Variants in SCN1A observed in about 807,000 individuals in gnomAD.
SCN1A encodes sodium channel protein type 1 subunit alpha.
In SCN1A, 13 loss-of-function variants were observed where a neutral mutation model predicts 193.7. That is an observed-to-expected ratio of 0.07 (90% CI 0.04 to 0.11). The LOEUF is 0.11. SCN1A is among the 10% of genes least tolerant of loss of function. The pLI is 1.00. For synonymous variants in SCN1A, 781 were observed against 843.6 expected (o/e 0.93, Z 1.29); for missense variants, 1,432 against 2,451.1 (o/e 0.58, Z 8.78).
chr2:166,009,691 A>G (rs1692147599), intron 23 of SCN1A, 28 bp downstream of exon 23: 4 of 1,595,430 alleles, frequency 2.5e-6, no homozygotes, highest in East Asian at 4.5e-5. Context: ...GCTATATACA[A>G]TACTTCAGGT....
At chr2:166,081,908 T>G (rs1685571676) in intron 2 of SCN1A, among the ~76,000 whole-genome samples, 3 of 152,036 alleles carry the variant, frequency 2.0e-5, no homozygotes, top group Admixed American at 2.0e-4. Context: ...GGAAAAAAAT[T>G]ACTAACCAAT....
chr2:166,110,785 C>T (rs193190949), intron 2 of SCN1A, among the ~76,000 whole-genome samples: 18 of 152,262 alleles, frequency 1.2e-4, no homozygotes, highest in Admixed American at 1.1e-3. Flanking sequence ...TCCCACATGT[C>T]ATGGGAGGAA....
chr2:166,044,389 C>T (rs1401457329), intron 13 of SCN1A, among the ~76,000 whole-genome samples: 1 of 152,142 alleles, frequency 6.6e-6, no homozygotes, highest in Non-Finnish European at 1.5e-5. Flanking sequence ...GGTAAACATT[C>T]AGTGAACACT....
intron 1 of SCN1A, among the ~76,000 whole-genome samples, chr2:166,138,722 A>G (rs1214765629): frequency 6.6e-6 from 1 of 152,168 alleles, no homozygotes; most frequent in Admixed American, 6.5e-5. Context: ...CAGATTCCCT[A>G]CTAGTGTACC....
At chr2:166,138,933 C>A (rs1326335658) in intron 1 of SCN1A, among the ~76,000 whole-genome samples, 2 of 152,108 alleles carry the variant, frequency 1.3e-5, no homozygotes, top group Non-Finnish European at 2.9e-5. Flanking sequence ...ATCAACGTGA[C>A]TTGGATGTGA....
intron 17 of SCN1A, 71 bp downstream of exon 17, chr2:166,039,352 G>T (rs1023152225): frequency 1.3e-6 from 2 of 1,486,496 alleles, no homozygotes; most frequent in South Asian, 1.2e-5. Context: ...AAAAAACTAT[G>T]ACATTGCTAT....
intron 1 of SCN1A, among the ~76,000 whole-genome samples, chr2:166,147,770 C>T (rs1403604226): frequency 6.6e-6 from 1 of 152,136 alleles, no homozygotes; most frequent in South Asian, 2.1e-4. Flanking sequence ...ATACAGCATA[C>T]AATTGTAAGT....
Position 165,994,650 on chromosome 2 carries a change from A to AAAACAAAC in SCN1A, c.4582-242_4582-235dup, listed in dbSNP as rs140431192. On this transcript the variant is annotated intron_variant, in intron 27 of 28. Transcript: ENST00000674923. ...CCTTATCCAAAGAAGGTTTCTGATAAAAACAAACAAACAAACAAACAAACA... is the reference window on the plus strand; with the variant it reads ...CCTTATCCAAAGAAGGTTTCTGATAAAAACAAACAAACAAACAAACAAACAAACAAACA... 0.015 allele frequency among the ~76,000 whole-genome samples: 2,280 copies of AAAACAAAC among 150,978 alleles called. 64 individuals are homozygous for AAAACAAAC. The highest frequency in any genetic ancestry group is 0.053 in the African/African-American group (2,165 of 41,142).
chr2:166,093,449 C>T (rs1158689116), intron 2 of SCN1A, among the ~76,000 whole-genome samples: 1 of 152,100 alleles, frequency 6.6e-6, no homozygotes, highest in African/African-American at 2.4e-5. Context: ...CGCCATTCTC[C>T]TGCCTCAACC....
chr2:166,005,014 T>G (rs977286447), intron 23 of SCN1A, among the ~76,000 whole-genome samples: 1 of 151,454 alleles, frequency 6.6e-6, no homozygotes, highest in Non-Finnish European at 1.5e-5. Context: ...CAAGTTAAGT[T>G]CAGAAAGTAG....
intron 2 of SCN1A, among the ~76,000 whole-genome samples, chr2:166,095,480 C>A (rs1044016248): frequency 1.3e-5 from 2 of 152,052 alleles, no homozygotes; most frequent in African/African-American, 4.8e-5. Flanking sequence ...GACATTTTAA[C>A]AAAGGGGGAT....
At chr2:166,069,956 C>T (rs1010625388) in intron 4 of SCN1A, among the ~76,000 whole-genome samples, 1 of 152,070 alleles carries the variant, frequency 6.6e-6, no homozygotes, top group African/African-American at 2.4e-5. Context: ...ATGAAGATCA[C>T]CCAGCCAATC....
chr2:166,065,653 C>A (rs375540611), intron 4 of SCN1A, among the ~76,000 whole-genome samples: 3 of 152,050 alleles, frequency 2.0e-5, no homozygotes, highest in Non-Finnish European at 4.4e-5. Flanking sequence ...CAGTGATAAC[C>A]AGACTAAACA....
chr2:166,013,792 C>G lies in SCN1A; in HGVS notation c.3657G>C (p.Trp1219Cys), dbSNP rs863225033. 2 of 1,611,976 alleles carry G rather than the reference C, an allele frequency of 1.2e-6. No individual in the cohort carries two copies. Among genetic ancestry groups the G allele is most frequent in the Non-Finnish European group, 1.7e-6 (2 of 1,178,608 alleles). The change falls in exon 21 of 29, where the codon TGG (tryptophan) becomes TGC (cysteine). Residue 1219 changes from tryptophan (W) to cysteine (C), a missense_variant. This residue lies in a region of SCN1A where 107 missense variants were observed against 259.4 expected (regional missense o/e 0.41). Transcript: ENST00000674923. ...TCATGAAAACAATGAAGGTCTCAAACCAGTTATGTTCAACTATTCGGAAAC... is the reference window on the plus strand; with the variant it reads ...TCATGAAAACAATGAAGGTCTCAAAGCAGTTATGTTCAACTATTCGGAAAC... Reference protein sequence around the residue: ...RTCFRIVEHNWFETFIVFMIL... With the variant: ...RTCFRIVEHNCFETFIVFMIL...
rs1241979393 is a variant in SCN1A at position 165,987,115 on chromosome 2, A to G, written c.*4130T>C. The G allele has an allele frequency of 6.6e-6, 1 of 151,986 alleles. No individual in the cohort carries two copies. The highest frequency in any genetic ancestry group is 1.5e-5 in the Non-Finnish European group (1 of 67,990). 9.4% of individuals were successfully genotyped at this position (151,986 alleles called of 1,614,324 possible). ...TTAGCCTTTCTTTGTCTTTCATGAC[A>G]TTGACATTTTTAAGGAGTTCAGTCC... On this transcript the variant is annotated 3_prime_UTR_variant, in exon 29 of 29. Transcript: ENST00000674923.
intron 2 of SCN1A, among the ~76,000 whole-genome samples, chr2:166,120,456 T>A (rs917767292): frequency 6.6e-6 from 1 of 151,562 alleles, no homozygotes; most frequent in Non-Finnish European, 1.5e-5. Flanking sequence ...TGGGCAATTT[T>A]ATATAGAATT....
intron 19 of SCN1A, among the ~76,000 whole-genome samples, chr2:166,030,040 T>C (rs1695343211): frequency 6.6e-6 from 1 of 152,162 alleles, no homozygotes; most frequent in Non-Finnish European, 1.5e-5. Flanking sequence ...CAATGTGCAG[T>C]GATTGGAAGT....
rs1696358899 is a variant in SCN1A at position 166,036,303 on chromosome 2, T to G, written c.3174A>C (p.Lys1058Asn). Reference protein sequence around the residue: ...IKPLDDLNNKKDSCMSNHTAE... With the variant: ...IKPLDDLNNKNDSCMSNHTAE... ...CTGTATGATTGGACATACAACTGTC[T>G]TTCTTGTTGTTTAGATCATCAAGTG... The change falls in exon 19 of 29, where the codon AAA (lysine) becomes AAC (asparagine). Residue 1058 changes from lysine (K) to asparagine (N), a missense_variant. Lys to Asn is a moderately conservative substitution (Grantham distance 94). Transcript: ENST00000674923. 6.2e-7 allele frequency: 1 copy of G among 1,613,776 alleles called. No individual in the cohort carries two copies. The highest frequency in any genetic ancestry group is 2.2e-5 in the East Asian group (1 of 44,836).
chr2:166,137,961 G>A (rs910146471), intron 1 of SCN1A, among the ~76,000 whole-genome samples: 2 of 152,174 alleles, frequency 1.3e-5, no homozygotes, highest in African/African-American at 2.4e-5. Flanking sequence ...AACTTGTTGG[G>A]AACTGGAGCA....
Sources: allele counts gnomAD v4.1 joint callset (sites outside exome capture counted in the v4.1 genomes callset), GRCh38; gene constraint gnomAD v4.1.1; regional missense constraint gnomAD v4.1.1; transcripts MANE v1.5; gene names NCBI Gene and HGNC (gene_info 2026-07-23, HGNC 2026-07-21).